Variants in PTPRN2 observed in about 807,000 individuals in gnomAD.
The protein encoded by PTPRN2 is receptor-type tyrosine-protein phosphatase N2.
Under a neutral mutation model 118.8 loss-of-function variants are expected in PTPRN2, and 74 were observed. That is an observed-to-expected ratio of 0.62 (90% CI 0.52 to 0.76). The LOEUF is 0.76. Among genes scored for constraint, PTPRN2 ranks in the 30% least tolerant of loss-of-function variants. PTPRN2 has a pLI of 0.00. For synonymous variants in PTPRN2, 641 were observed against 608.0 expected, an observed-to-expected ratio of 1.05 and a Z score of -0.80; for missense variants, 1,481 against 1,394.4, an observed-to-expected ratio of 1.06 and a Z score of -0.99.
intron 12 of PTPRN2, among the ~76,000 whole-genome samples, chr7:157,688,129 G>A (rs1797284487): frequency 6.6e-6 from 1 of 152,088 alleles, no homozygotes; most frequent in African/African-American, 2.4e-5. Context: ...GAATCTTCAA[G>A]GAAAAATTAT....
intron 10 of PTPRN2, among the ~76,000 whole-genome samples, chr7:158,086,366 CCT>C (rs1003825615): frequency 2.6e-5 from 4 of 152,222 alleles, no homozygotes; most frequent in Non-Finnish European, 5.9e-5. Flanking sequence ...CATGCCTTTT[CCT>C]CCTTAAACCC....
At chr7:158,557,464 C>G (rs553499512) in intron 1 of PTPRN2, among the ~76,000 whole-genome samples, 1 of 152,390 alleles carries the variant, frequency 6.6e-6, no homozygotes, top group East Asian at 1.9e-4. Flanking sequence ...GATTCCCCAA[C>G]CTGGTGCCAT....
intron 15 of PTPRN2, among the ~76,000 whole-genome samples, chr7:157,605,984 C>A (rs1801979044): frequency 6.6e-6 from 1 of 152,270 alleles, no homozygotes; most frequent in Non-Finnish European, 1.5e-5. Context: ...TCTCCTGCTG[C>A]CATTCATGGC....
Position 157,560,823 on chromosome 7 carries a change from C to G in PTPRN2, c.2902+8079G>C, listed in dbSNP as rs981543999. 2.0e-5 allele frequency among the ~76,000 whole-genome samples: 3 copies of G among 152,210 alleles called. No individual in the cohort carries two copies. Among genetic ancestry groups the G allele is most frequent in the African/African-American group, 4.8e-5 (2 of 41,448 alleles). ...ACGTGTCTGTGAGGTCCCTTTCCCACTGGCCCTTCGTGTTTTCATGTTTCA... is the reference window on the plus strand; with the variant it reads ...ACGTGTCTGTGAGGTCCCTTTCCCAGTGGCCCTTCGTGTTTTCATGTTTCA... On this transcript the variant is annotated intron_variant, in intron 21 of 22. Transcript: ENST00000389418. This position sits in a 1 kb window ranked among gnomAD's most constrained non-coding sequence, Gnocchi z 6.7.
At position 157,780,999 on chromosome 7, in the gene PTPRN2, G is replaced by T. The variant is rs1235836235; in HGVS notation, c.1789-98062C>A. Among the ~76,000 whole-genome samples the T allele has an allele frequency of 1.3e-5, 2 of 152,084 alleles. No individual in the cohort carries two copies. Among genetic ancestry groups the T allele is most frequent in the African/African-American group, 4.8e-5 (2 of 41,410 alleles). On this transcript the variant is annotated intron_variant, in intron 12 of 22. Transcript: ENST00000389418. The surrounding 1 kb of genome is among the most constrained non-coding windows in gnomAD (Gnocchi z 4.5). ...CTTCTCTGGCCTCCTGCCGCTCACG[G>T]CCACAATCACCCCACATCCTGGTCC... is the stretch of plus-strand genomic sequence containing the variant.
At chr7:157,856,575 T>G (rs1809728377) in intron 12 of PTPRN2, among the ~76,000 whole-genome samples, 1 of 152,260 alleles carries the variant, frequency 6.6e-6, no homozygotes, top group South Asian at 2.1e-4. Context: ...CTCCTGGCTT[T>G]ATTACAAAAT....
At chr7:157,696,754 A>T (rs1434638280) in intron 12 of PTPRN2, among the ~76,000 whole-genome samples, 13 of 97,306 alleles carry the variant, frequency 1.3e-4, no homozygotes, top group South Asian at 8.0e-4. Flanking sequence ...TGCATACTGG[A>T]TCTTGGCAGA....
intron 12 of PTPRN2, among the ~76,000 whole-genome samples, chr7:157,710,098 C>T (rs73516849): frequency 0.04 from 6,111 of 152,078 alleles, 399 homozygotes; most frequent in African/African-American, 0.14. Context: ...CAGGGTCGGC[C>T]GTGAGGACAC....
At chr7:158,323,516 A>G (rs1803206777) in intron 2 of PTPRN2, among the ~76,000 whole-genome samples, 1 of 152,238 alleles carries the variant, frequency 6.6e-6, no homozygotes, top group Non-Finnish European at 1.5e-5. Context: ...TTTGAGGAGC[A>G]AAAGGTTTGC....
At chr7:158,146,390 C>G (rs975402129) in intron 6 of PTPRN2, among the ~76,000 whole-genome samples, 3 of 152,144 alleles carry the variant, frequency 2.0e-5, no homozygotes, top group South Asian at 2.1e-4. Flanking sequence ...CTGTATTGGG[C>G]ATCTATTGTG....
chr7:157,868,288 C>T lies in PTPRN2; in HGVS notation c.1788+30385G>A, dbSNP rs542165873. 6.6e-6 allele frequency among the ~76,000 whole-genome samples: 1 copy of T among 152,336 alleles called. No individual in the cohort carries two copies. Among genetic ancestry groups the T allele is most frequent in the South Asian group, 2.1e-4 (1 of 4,826 alleles). On this transcript the variant is annotated intron_variant, in intron 12 of 22. Transcript: ENST00000389418. The surrounding 1 kb of genome is among the most constrained non-coding windows in gnomAD (Gnocchi z 5.2). ...CCATCTGAACAGGGCTCTCTGCAGG[C>T]AGCCCCAGGCCTGGAGTTTGCCAAG...
At chr7:157,653,033 C>T (rs951737859) in intron 14 of PTPRN2, among the ~76,000 whole-genome samples, 3 of 152,170 alleles carry the variant, frequency 2.0e-5, no homozygotes, top group Non-Finnish European at 2.9e-5. Flanking sequence ...GTCTGGGCTC[C>T]GGGGCAGTGT....
rs867701907 is a variant in PTPRN2, at chr7:158,058,804, A to G, written c.1723+22494T>C. On this transcript the variant is annotated intron_variant, in intron 11 of 22. Transcript: ENST00000389418. ...CTGCAGCCACACTCCATCTGCACAC[A>G]GTGACGCATCACTGCAGCCACACTC... Among the ~76,000 whole-genome samples, 224 of 84,402 alleles carry G rather than the reference A, an allele frequency of 2.7e-3. 11 individuals are homozygous for G. Among genetic ancestry groups the G allele is most frequent in the African/African-American group, 7.8e-3 (130 of 16,770 alleles). The allele number at this position is 84,402 out of a possible 152,430, so 55.4% of individuals were successfully genotyped here.
chr7:158,564,541 C>T (rs982830640), intron 1 of PTPRN2, among the ~76,000 whole-genome samples: 1 of 152,248 alleles, frequency 6.6e-6, no homozygotes. Flanking sequence ...CGAAGCAGCA[C>T]GGGGCTAGGC....
chr7:157,662,501 G>A lies in PTPRN2; in HGVS notation c.2002-5950C>T, dbSNP rs570341191. Among the ~76,000 whole-genome samples the A allele has an allele frequency of 1.1e-4, 16 of 152,308 alleles. No homozygotes were observed. The East Asian group carries it at 1.2e-3, about 11-fold the overall frequency. ...ATGACAGCAACAGCACGTGTTGGGCGTTCGTGGGAAGGGGTGCCGTGGGGC... is the reference window on the plus strand; with the variant it reads ...ATGACAGCAACAGCACGTGTTGGGCATTCGTGGGAAGGGGTGCCGTGGGGC... On this transcript the variant is annotated intron_variant, in intron 13 of 22. Transcript: ENST00000389418.
At chr7:158,232,895 C>T (rs1388645980) in intron 3 of PTPRN2, among the ~76,000 whole-genome samples, 1 of 152,096 alleles carries the variant, frequency 6.6e-6, no homozygotes, top group African/African-American at 2.4e-5. Flanking sequence ...TGATAAAACA[C>T]TCATCAAAAT....
chr7:158,059,347 C>A (rs1810109486), intron 11 of PTPRN2, among the ~76,000 whole-genome samples: 1 of 135,232 alleles, frequency 7.4e-6, no homozygotes, highest in Admixed American at 7.0e-5. Context: ...CAGCCACACT[C>A]CATCTGCACA....
intron 21 of PTPRN2, among the ~76,000 whole-genome samples, chr7:157,557,089 CAG>C (rs916408439): frequency 4.0e-5 from 6 of 151,502 alleles, no homozygotes; most frequent in Non-Finnish European, 8.8e-5. Context: ...CACACACACA[CAG>C]ATATACACAC....
At chr7:157,569,285 C>T (rs1044458928) in intron 20 of PTPRN2, among the ~76,000 whole-genome samples, 4 of 152,240 alleles carry the variant, frequency 2.6e-5, no homozygotes, top group Non-Finnish European at 4.4e-5. Context: ...ATGAACTAAG[C>T]GTTTGACTGT....
Sources: gnomAD v4.1 joint callset for allele counts (sites outside exome capture counted in the v4.1 genomes callset) on GRCh38, gnomAD v4.1.1 for gene constraint, Gnocchi (gnomAD v3.1) non-coding constraint, MANE v1.5 for transcripts, NCBI Gene and HGNC (gene_info 2026-07-23, HGNC 2026-07-21) for gene names.